Variants in CREB3L3 observed in about 807,000 individuals in gnomAD.
CREB3L3 encodes the protein cAMP responsive element binding protein 3 like 3.
In CREB3L3, 40 loss-of-function variants were observed where a neutral mutation model predicts 44.6. The ratio of observed to expected loss-of-function variants is 0.90; its 90% CI spans 0.70 to 1.17. The LOEUF (loss-of-function observed/expected upper bound fraction) is 1.17. Among genes scored for constraint, CREB3L3 ranks in the 50% most tolerant of loss-of-function variants. The pLI, the probability that CREB3L3 is intolerant of heterozygous loss-of-function variation, is 0.00. For synonymous variants in CREB3L3, 273 were observed against 256.3 expected, an observed-to-expected ratio of 1.06 and a Z score of -0.62; for missense variants, 578 against 595.8, an observed-to-expected ratio of 0.97 and a Z score of 0.31.
chr19:4,154,889 C>T lies in CREB3L3; in HGVS notation c.28-10C>T, dbSNP rs775389868. The T allele has an allele frequency of 1.3e-5, 21 of 1,613,832 alleles. No homozygotes were observed. The highest frequency in any genetic ancestry group is 4.0e-5 in the African/African-American group (3 of 75,060). On this transcript the variant is annotated splice_polypyrimidine_tract_variant and intron_variant, in intron 1 of 9. Coordinates refer to ENST00000078445, the MANE Select transcript of CREB3L3 (RefSeq NM_032607.3). ...GTATGTGACCCTCACATCTGTTCCTCGCGCCCCAGATGGCTTCTGCTGCCT... is the reference window on the plus strand; with the variant it reads ...GTATGTGACCCTCACATCTGTTCCTTGCGCCCCAGATGGCTTCTGCTGCCT...
intron 5 of CREB3L3, among the ~76,000 whole-genome samples, chr19:4,167,335 C>CAAGAAAGAAAGA (rs10525113): frequency 3.7e-4 from 43 of 116,142 alleles, no homozygotes; most frequent in Middle Eastern, 4.2e-3. Context: ...AAGAGCGAAA[C>CAAGAAAGAAAGA]AAGAAAGAAA....
chr19:4,157,207 C>A lies in CREB3L3; in HGVS notation c.369C>A (p.Cys123Ter), dbSNP rs1322383008. 2 of 1,614,094 alleles carry A rather than the reference C, an allele frequency of 1.2e-6. No homozygotes were observed. Among genetic ancestry groups the A allele is most frequent in the South Asian group, 1.1e-5 (1 of 91,076 alleles). ...CTGCCCAGCCTGGCAAGGGGCCCTG[C>A]CTCTCCTATCATCCTGGCAACTCTT... is the stretch of plus-strand genomic sequence containing the variant. ...CHPAQPGKGP[C>*]LSYHPGNSCS... The change falls in exon 3 of 10, where the codon TGC becomes TGA. Residue 123 changes from cysteine (C) to a stop codon, truncating the protein, a stop_gained. Coordinates refer to ENST00000078445, the MANE Select transcript of CREB3L3 (RefSeq NM_032607.3). LOFTEE classifies it high-confidence loss of function.
chr19:4,165,998 TG>T (rs1305628191), intron 5 of CREB3L3, among the ~76,000 whole-genome samples: 3 of 152,136 alleles, frequency 2.0e-5, no homozygotes, highest in African/African-American at 7.2e-5. Context: ...AGTCAATGGC[TG>T]GGTAGCTGTT....
At chr19:4,155,105 C>G in intron 2 of CREB3L3, 78 bp downstream of exon 2, 1 of 1,558,932 alleles carries the variant, frequency 6.4e-7, no homozygotes, top group Non-Finnish European at 8.7e-7. Context: ...GGTGCTAGAC[C>G]CGCCAGAGCC....
At chr19:4,170,539 G>A (rs1474534326) in intron 7 of CREB3L3, among the ~76,000 whole-genome samples, 1 of 151,952 alleles carries the variant, frequency 6.6e-6, no homozygotes, top group Non-Finnish European at 1.5e-5. Flanking sequence ...TTGAACTCGG[G>A]AGGCGGAGGT....
At chr19:4,163,263 G>A (rs557866069) in intron 4 of CREB3L3, among the ~76,000 whole-genome samples, 22 of 151,194 alleles carry the variant, frequency 1.5e-4, no homozygotes, top group African/African-American at 4.4e-4. Context: ...AGCCGAGATC[G>A]CGCCACTGCA....
rs1414445263 is a variant in CREB3L3, at chr19:4,162,501, A to G, written c.577-2002A>G. Reference sequence around the variant, plus strand: ...TGAAGACCAGCCTGGGCAACATAGCAAGACCTCGTCTCTACAAAAAAAAAA... The same window carrying G: ...TGAAGACCAGCCTGGGCAACATAGCGAGACCTCGTCTCTACAAAAAAAAAA... On this transcript the variant is annotated intron_variant, in intron 4 of 9. Transcript: ENST00000078445. Among the ~76,000 whole-genome samples, 6 of 116,906 alleles carry G rather than the reference A, an allele frequency of 5.1e-5. No individual in the cohort carries two copies. The East Asian group carries it at 8.7e-4, about 17-fold the overall frequency. 76.7% of individuals were successfully genotyped at this position (116,906 alleles called of 152,430 possible).
chr19:4,159,655 C>T lies in CREB3L3; in HGVS notation c.458-9C>T. On this transcript the variant is annotated splice_polypyrimidine_tract_variant and intron_variant, in intron 3 of 9. Coordinates refer to ENST00000078445, the MANE Select transcript of CREB3L3 (RefSeq NM_032607.3). ...TCTCCCTGTCTCCGTCCCCACCTGC[C>T]CTGGTCAGAAATGTGGAGCCCAGGA... The T allele has an allele frequency of 1.5e-6, 2 of 1,365,230 alleles. No homozygotes were observed. The highest frequency in any genetic ancestry group is 2.3e-5 in the South Asian group (2 of 86,044). The allele number at this position is 1,365,230 out of a possible 1,614,324, so 84.6% of individuals were successfully genotyped here. A position where few individuals can be genotyped will look rare whatever the true frequency, so the allele number is the denominator to read the frequency against.
chr19:4,154,574 A>G (rs528136382), intron 1 of CREB3L3, among the ~76,000 whole-genome samples: 105 of 151,942 alleles, frequency 6.9e-4, no homozygotes, highest in Non-Finnish European at 1.0e-3. Context: ...AGGGGTCTCT[A>G]TGTTGCGCAG....
At chr19:4,155,578 G>C (rs1181585684) in intron 2 of CREB3L3, among the ~76,000 whole-genome samples, 4 of 151,550 alleles carry the variant, frequency 2.6e-5, no homozygotes, top group Non-Finnish European at 5.9e-5. Context: ...GGCTGGTCTT[G>C]AACTCCTGAC....
intron 5 of CREB3L3, among the ~76,000 whole-genome samples, chr19:4,166,673 G>T (rs75368089): frequency 0.016 from 2,363 of 151,668 alleles, 51 homozygotes; most frequent in African/African-American, 0.054. Context: ...TAAGATTACA[G>T]GTGTGAGCCA....
chr19:4,163,328 A>AAAAT (rs1555703351), intron 4 of CREB3L3, among the ~76,000 whole-genome samples: 3 of 135,778 alleles, frequency 2.2e-5, no homozygotes, highest in Admixed American at 8.0e-5. Flanking sequence ...AAGAAGAAAG[A>AAAAT]AAAGAAAGAA....
At position 4,171,271 on chromosome 19, in the gene CREB3L3, A is replaced by T; in HGVS notation, c.975+96A>T. 6.9e-7 allele frequency: 1 copy of T among 1,445,264 alleles called. No individual in the cohort carries two copies. The highest frequency in any genetic ancestry group is 9.7e-7 in the Non-Finnish European group (1 of 1,030,134). The allele number at this position is 1,445,264 out of a possible 1,614,324, so 89.5% of individuals were successfully genotyped here. On this transcript the variant is annotated intron_variant, in intron 8 of 9. Transcript: ENST00000078445. The surrounding 1 kb of genome is among the most constrained non-coding windows in gnomAD (Gnocchi z 4.9). ...TGAGTCCAAGCTCTCCTTGTGCCCC[A>T]GCTCAAGTATGATCCAGTCTGGTCT...
intron 7 of CREB3L3, among the ~76,000 whole-genome samples, chr19:4,170,618 A>T (rs1967022805): frequency 6.7e-6 from 1 of 149,114 alleles, no homozygotes; most frequent in African/African-American, 2.5e-5. Flanking sequence ...TCTCAAAAAT[A>T]AATAAATAAG....
chr19:4,169,850 C>T (rs1431016791), intron 6 of CREB3L3, among the ~76,000 whole-genome samples: 6 of 152,184 alleles, frequency 3.9e-5, no homozygotes, highest in East Asian at 1.9e-4. Flanking sequence ...CCGCCCACCA[C>T]GGCCTCCCAA....
At chr19:4,158,142 G>C (rs1296480003) in intron 3 of CREB3L3, among the ~76,000 whole-genome samples, 1 of 152,086 alleles carries the variant, frequency 6.6e-6, no homozygotes, top group African/African-American at 2.4e-5. Flanking sequence ...TTGGCCTCTG[G>C]GTGGCCTTTG....
At chr19:4,170,825 G>C (rs1001030291) in intron 7 of CREB3L3, among the ~76,000 whole-genome samples, 11 of 151,500 alleles carry the variant, frequency 7.3e-5, no homozygotes, top group African/African-American at 2.4e-4. Flanking sequence ...GCAGGAGAAT[G>C]GTGTGAACCT....
At chr19:4,161,314 A>C (rs2041660793) in intron 4 of CREB3L3, among the ~76,000 whole-genome samples, 1 of 151,686 alleles carries the variant, frequency 6.6e-6, no homozygotes, top group African/African-American at 2.4e-5. Context: ...GGGTCTTGCT[A>C]TGTTTCCCAG....
At chr19:4,161,184 G>T (rs1023174193) in intron 4 of CREB3L3, among the ~76,000 whole-genome samples, 1 of 152,020 alleles carries the variant, frequency 6.6e-6, no homozygotes, top group African/African-American at 2.4e-5. Context: ...GGATGGTCTC[G>T]ATCTCCTGAC....
Sources: allele counts gnomAD v4.1 joint callset (sites outside exome capture counted in the v4.1 genomes callset), GRCh38; gene constraint gnomAD v4.1.1; non-coding constraint Gnocchi (gnomAD v3.1); transcripts MANE v1.5; gene names NCBI Gene and HGNC (gene_info 2026-07-23, HGNC 2026-07-21).